The following NUP54 variants were observed in gnomAD, a reference collection of about 807,000 sequenced individuals.
NUP54 encodes nucleoporin 54.
A neutral mutation model predicts 66.4 loss-of-function variants in NUP54; 27 were observed. The ratio of observed to expected loss-of-function variants is 0.41; its 90% confidence interval spans 0.30 to 0.56. The LOEUF is 0.56. NUP54 is among the 20% of genes least tolerant of loss of function. NUP54 has a pLI of 0.34. For missense variants in NUP54, 486 were observed against 596.3 expected, an observed-to-expected ratio of 0.82 and a Z score of 1.93; for synonymous variants, 206 against 210.7, an observed-to-expected ratio of 0.98 and a Z score of 0.19.
intron 4 of NUP54, among the ~76,000 whole-genome samples, chr4:76,135,046 A>G (rs1200122977): frequency 6.6e-6 from 1 of 152,152 alleles, no homozygotes; most frequent in Non-Finnish European, 1.5e-5. Flanking sequence ...GTTGAGGAGT[A>G]TCTGTATATC....
intron 4 of NUP54, among the ~76,000 whole-genome samples, 174 bp downstream of exon 4, chr4:76,136,012 C>A (rs1181028713): frequency 6.6e-6 from 1 of 152,152 alleles, no homozygotes; most frequent in Non-Finnish European, 1.5e-5. Flanking sequence ...CCTTCAACCA[C>A]ACATATGTAT....
chr4:76,148,314 G>GGGCCGCGGT lies in NUP54; in HGVS notation c.52_60dup (p.Thr18_Ala20dup), dbSNP rs766875835. On this transcript the variant is annotated inframe_insertion, in exon 1 of 12. Coordinates refer to ENST00000264883, the MANE Select transcript of NUP54 (RefSeq NM_017426.4). ...GTCTAGGGGGATCACTCACCCGCGG[G>GGGCCGCGGT]GGCCGCGGTGGCTGCAGCGGTACCG... The GGGCCGCGGT allele has an allele frequency of 9.2e-6, 14 of 1,515,474 alleles. No individual in the cohort carries two copies. The East Asian group carries it at 1.3e-4, about 14-fold the overall frequency. The allele number at this position is 1,515,474 out of a possible 1,614,324, so 93.9% of individuals were successfully genotyped here.
At chr4:76,126,469 G>GT (rs1730544019) in intron 8 of NUP54, among the ~76,000 whole-genome samples, 1 of 152,196 alleles carries the variant, frequency 6.6e-6, no homozygotes, top group South Asian at 2.1e-4. Flanking sequence ...ACAAAATTAG[G>GT]TGGCCATGTT....
rs1455105958 is a variant in NUP54 at position 76,134,204 on chromosome 4, T to C, written c.681A>G (p.Val227=). 1 of 1,613,130 alleles carries C rather than the reference T, an allele frequency of 6.2e-7. No individual in the cohort carries two copies. The highest frequency in any genetic ancestry group is 8.5e-7 in the Non-Finnish European group (1 of 1,179,240). Residue 227 remains valine, a synonymous_variant, in exon 5 of 12, where the codon GTA becomes GTG. Transcript: ENST00000264883. ...LGGNQTLTVN[V]EGTKTLPDDQ... ...CATCTGGCAATGTTTTAGTGCCCTC[T>C]ACATTTACAGTAAGGGTCTGGTTTC...
At chr4:76,147,379 C>T (rs1197589887) in intron 1 of NUP54, 2 of 704,110 alleles carry the variant, frequency 2.8e-6, no homozygotes, top group African/African-American at 3.8e-5. Context: ...TTTCCTTTCC[C>T]TATTAGACAA....
rs547728719 is a variant in NUP54 at position 76,135,634 on chromosome 4, G to A, written c.522+552C>T. The stretch of plus-strand genomic sequence containing the variant: ...CCAATATAACTCCTAAGAGGCTGAG[G>A]TATAAACTGGATTGCAATACGTAAT... On this transcript the variant is annotated intron_variant, in intron 4 of 11. Transcript: ENST00000264883. Among the ~76,000 whole-genome samples the A allele has an allele frequency of 4.6e-5, 7 of 152,272 alleles. No homozygotes were observed. In the South Asian group the frequency reaches 1.5e-3, roughly 32 times the overall value.
chr4:76,115,779 G>T (rs193164953), intron 11 of NUP54, among the ~76,000 whole-genome samples: 1 of 152,098 alleles, frequency 6.6e-6, no homozygotes, highest in Non-Finnish European at 1.5e-5. Context: ...TTTGATAAAG[G>T]CATGATAATA....
At chr4:76,128,287 C>T (rs1035131209) in intron 8 of NUP54, among the ~76,000 whole-genome samples, 1 of 151,860 alleles carries the variant, frequency 6.6e-6, no homozygotes, top group African/African-American at 2.4e-5. Context: ...CCAAGAGTCT[C>T]CAGACATTGC....
chr4:76,142,035 C>A (rs559853487), intron 3 of NUP54, among the ~76,000 whole-genome samples: 3 of 152,076 alleles, frequency 2.0e-5, no homozygotes, highest in African/African-American at 7.2e-5. Flanking sequence ...ACACCCAATG[C>A]CTGACATACG....
At chr4:76,123,701 A>C (rs1335802969) in intron 9 of NUP54, among the ~76,000 whole-genome samples, 1 of 151,988 alleles carries the variant, frequency 6.6e-6, no homozygotes, top group Non-Finnish European at 1.5e-5. Flanking sequence ...TTTAGTAGAG[A>C]TGGGGTTTCA....
intron 9 of NUP54, 78 bp from the exon 10 acceptor site, chr4:76,118,272 C>G (rs1319549336): frequency 1.8e-5 from 24 of 1,311,308 alleles, no homozygotes; most frequent in Admixed American, 5.4e-5. Context: ...CAATTAGTTA[C>G]TGAAAGAAAT....
At chr4:76,132,374 A>C in intron 6 of NUP54, 149 bp downstream of exon 6, 1 of 505,006 alleles carries the variant, frequency 2.0e-6, no homozygotes, top group Non-Finnish European at 3.3e-6. Flanking sequence ...GAATACAAAT[A>C]TTCAAAACTA....
intron 1 of NUP54, chr4:76,146,171 A>T (rs1393139715): frequency 4.6e-6 from 2 of 435,126 alleles, no homozygotes; most frequent in Non-Finnish European, 9.1e-6. Context: ...AAAGTCTATC[A>T]GCCCTTTGCT....
At chr4:76,127,411 G>A (rs7686870) in intron 8 of NUP54, among the ~76,000 whole-genome samples, 18,282 of 122,200 alleles carry the variant, frequency 0.15, 1,374 homozygotes, top group East Asian at 0.38. Context: ...CAGCCTGGGC[G>A]ACAGAACGAG....
In NUP54 at chr4:76,139,917, T is replaced by G. The variant is rs149885658; in HGVS notation, c.296-3505A>C. ...AACAGTAAGTGTTCACTGGATTTAC[T>G]GAGATGATTAATGACCTTAACTTAT... On this transcript the variant is annotated intron_variant, in intron 3 of 11. Coordinates refer to ENST00000264883, the MANE Select transcript of NUP54 (RefSeq NM_017426.4). Among the ~76,000 whole-genome samples, 274 of 152,316 alleles carry G rather than the reference T, an allele frequency of 1.8e-3. 4 individuals are homozygous for G. The highest frequency in any genetic ancestry group is 6.5e-3 in the African/African-American group (269 of 41,560).
chr4:76,128,100 A>C (rs1012980919), intron 8 of NUP54, among the ~76,000 whole-genome samples: 1 of 152,208 alleles, frequency 6.6e-6, no homozygotes. Flanking sequence ...GGGAGCTCCA[A>C]GGGAAGTCTG....
intron 9 of NUP54, among the ~76,000 whole-genome samples, chr4:76,121,975 A>G (rs1730254882): frequency 1.3e-5 from 2 of 152,034 alleles, no homozygotes; most frequent in South Asian, 4.2e-4. Context: ...ATTTATGAAA[A>G]CCTCCAAGAT....
chr4:76,134,908 G>A (rs1199690696), intron 4 of NUP54, among the ~76,000 whole-genome samples: 3 of 152,158 alleles, frequency 2.0e-5, no homozygotes, highest in East Asian at 3.9e-4. Flanking sequence ...ACTAATGTAA[G>A]TGTTCTGAGC....
At chr4:76,120,967 A>G (rs1367860656) in intron 9 of NUP54, among the ~76,000 whole-genome samples, 1 of 152,288 alleles carries the variant, frequency 6.6e-6, no homozygotes, top group Middle Eastern at 3.4e-3. Flanking sequence ...CCTAAACTCT[A>G]TCACATGACT....
Sources: allele counts gnomAD v4.1 joint callset (sites outside exome capture counted in the v4.1 genomes callset), GRCh38; gene constraint gnomAD v4.1.1; transcripts MANE v1.5; gene names NCBI Gene and HGNC (gene_info 2026-07-23, HGNC 2026-07-21).